SYBU: variants seen among roughly 807,000 people sequenced by gnomAD.
The protein encoded by SYBU is GOLSYN A protein.
A neutral mutation model predicts 35.9 loss-of-function variants in SYBU; 21 were observed. The observed-to-expected ratio is 0.58, with a 90% confidence interval of 0.41 to 0.84. SYBU has a LOEUF of 0.84. Among genes scored for constraint, SYBU ranks in the 40% least tolerant of loss-of-function variants. The probability of loss-of-function intolerance (pLI) is 0.00; values close to 1 mark genes in which losing one functional copy is unlikely to be tolerated. For missense variants in SYBU, 768 were observed against 848.2 expected, an observed-to-expected ratio of 0.91 and a Z score of 1.17; for synonymous variants, 319 against 324.3, an observed-to-expected ratio of 0.98 and a Z score of 0.18.
rs747248240 is a variant in SYBU, at chr8:109,586,095, C to G, written c.495G>C (p.Ser165=). The change falls in exon 4 of 7, where the codon TCG becomes TCC. Residue 165 remains serine (S), a synonymous_variant. Transcript: ENST00000276646. ...GSISAPEVHM[S]TAGSKRSSSS... ...AAGAAGACCGCTTGCTTCCCGCAGT[C>G]GACATATGGACCTCAGGAGCGGAAA... 1.2e-6 allele frequency: 2 copies of G among 1,611,932 alleles called. No individual in the cohort carries two copies. The highest frequency in any genetic ancestry group is 2.2e-5 in the South Asian group (2 of 90,262).
intron 2 of SYBU, among the ~76,000 whole-genome samples, chr8:109,622,923 T>C (rs1812591949): frequency 6.6e-6 from 1 of 152,162 alleles, no homozygotes; most frequent in African/African-American, 2.4e-5. Context: ...CATTTTAGTC[T>C]GGTTTTGCCA....
At position 109,574,769 on chromosome 8, in the gene SYBU, C is replaced by T; in HGVS notation, c.*137G>A. On this transcript the variant is annotated 3_prime_UTR_variant, in exon 7 of 7. Coordinates refer to ENST00000276646, the MANE Select transcript of SYBU (RefSeq NM_001099754.2). ...CCGGTTTTAAACAGTGAACAGGCTT[C>T]AACTAAATATAGTGCAAATCAAATA... 1.0e-6 allele frequency: 1 copy of T among 972,544 alleles called. No individual in the cohort carries two copies. Among genetic ancestry groups the T allele is most frequent in the Non-Finnish European group, 1.5e-6 (1 of 686,486 alleles). 60.2% of individuals were successfully genotyped at this position (972,544 alleles called of 1,614,324 possible).
chr8:109,636,074 G>A (rs938837271), intron 2 of SYBU, among the ~76,000 whole-genome samples: 1 of 152,150 alleles, frequency 6.6e-6, no homozygotes, highest in East Asian at 1.9e-4. Flanking sequence ...CCTAGTTCCT[G>A]TATGGACCCT....
intron 1 of SYBU, among the ~76,000 whole-genome samples, chr8:109,660,156 T>A (rs1816508093): frequency 1.3e-5 from 2 of 152,166 alleles, no homozygotes; most frequent in Non-Finnish European, 2.9e-5. Flanking sequence ...AGAACCATAG[T>A]TTTTGTTTAT....
intron 4 of SYBU, chr8:109,580,606 A>C (rs572492632): frequency 6.5e-6 from 1 of 153,406 alleles, no homozygotes; most frequent in Middle Eastern, 3.4e-3. Context: ...TTAACTGCTG[A>C]AATACTGTAA....
chr8:109,581,662 A>C (rs1473196772), intron 4 of SYBU, among the ~76,000 whole-genome samples: 2 of 152,212 alleles, frequency 1.3e-5, no homozygotes, highest in Admixed American at 1.3e-4. Flanking sequence ...CTTTCTTTGC[A>C]ATTTTAATTA....
chr8:109,631,497 C>G (rs1474543641), intron 2 of SYBU, among the ~76,000 whole-genome samples: 2 of 152,140 alleles, frequency 1.3e-5, no homozygotes, highest in Admixed American at 1.3e-4. Context: ...GATGCAGGGC[C>G]AGGTGAGGTA....
At chr8:109,687,336 G>A (rs1180873643) in intron 1 of SYBU, among the ~76,000 whole-genome samples, 1 of 152,122 alleles carries the variant, frequency 6.6e-6, no homozygotes, top group Admixed American at 6.6e-5. Flanking sequence ...AGAGAATAAA[G>A]CTCAGGTCAA....
rs184947174 is a variant in SYBU, at chr8:109,665,042, T to A, written c.-129+15669A>T. Among the ~76,000 whole-genome samples the A allele has an allele frequency of 1.3e-4, 20 of 152,310 alleles. No homozygotes were observed. In the East Asian group the frequency reaches 2.9e-3, roughly 22 times the overall value. ...TATTGGTTAATTAACACTTGAATGG[T>A]CTAGGCCAATGCTGTCCAACAGAAA... is the stretch of plus-strand genomic sequence containing the variant. On this transcript the variant is annotated intron_variant, in intron 1 of 5. Transcript: ENST00000408889.
chr8:109,636,943 C>T (rs114821551), intron 2 of SYBU, among the ~76,000 whole-genome samples: 40 of 152,292 alleles, frequency 2.6e-4, no homozygotes, highest in African/African-American at 9.1e-4. Flanking sequence ...TCCACATCCA[C>T]CTTGCCCCAT....
At chr8:109,637,781 G>A (rs1181751093) in intron 2 of SYBU, among the ~76,000 whole-genome samples, 2 of 152,136 alleles carry the variant, frequency 1.3e-5, no homozygotes, top group Admixed American at 6.5e-5. Context: ...CAAATTTTTG[G>A]AGGCGTTGTC....
chr8:109,603,153 C>T (rs887642225), intron 3 of SYBU, among the ~76,000 whole-genome samples: 72 of 152,148 alleles, frequency 4.7e-4, no homozygotes, highest in African/African-American at 7.2e-4. Flanking sequence ...CGAGCTGGGG[C>T]GGAAGCCGAC....
chr8:109,583,288 T>C (rs140028624), intron 4 of SYBU, among the ~76,000 whole-genome samples: 16 of 152,342 alleles, frequency 1.1e-4, no homozygotes, highest in South Asian at 4.1e-4. Flanking sequence ...AGACTGAGGC[T>C]TGGGGTCATA....
intron 3 of SYBU, 102 bp downstream of exon 3, chr8:109,618,740 G>A: frequency 9.5e-7 from 1 of 1,054,056 alleles, no homozygotes; most frequent in South Asian, 1.4e-5. Flanking sequence ...GCTGGGTACG[G>A]TATTTGTGAT....
At chr8:109,632,503 T>G in intron 2 of SYBU, among the ~76,000 whole-genome samples, 1 of 152,320 alleles carries the variant, frequency 6.6e-6, no homozygotes, top group East Asian at 1.9e-4. Flanking sequence ...ATGGTCAAGA[T>G]AGAGTAAGGG....
chr8:109,580,265 A>G, intron 4 of SYBU: 1 of 444,634 alleles, frequency 2.2e-6, no homozygotes, highest in Non-Finnish European at 4.2e-6. Context: ...ATAACACCCA[A>G]TAGCCTGCTA....
intron 6 of SYBU, 27 bp downstream of exon 6, chr8:109,577,841 C>A: frequency 6.3e-7 from 1 of 1,593,040 alleles, no homozygotes; most frequent in Non-Finnish European, 8.6e-7. Flanking sequence ...TGTCCTACAC[C>A]CCACCGTTCA....
chr8:109,596,246 G>A (rs1319852014), intron 3 of SYBU, among the ~76,000 whole-genome samples: 2 of 152,212 alleles, frequency 1.3e-5, no homozygotes, highest in East Asian at 3.8e-4. Flanking sequence ...TTTTTTAAAA[G>A]AGTCTCAGAT....
chr8:109,650,939 T>C (rs1405278275), intron 1 of SYBU, among the ~76,000 whole-genome samples: 1 of 152,250 alleles, frequency 6.6e-6, no homozygotes, highest in African/African-American at 2.4e-5. Flanking sequence ...TTCATGTATT[T>C]ACTTTCAGGC....
Sources: allele counts gnomAD v4.1 joint callset (sites outside exome capture counted in the v4.1 genomes callset), GRCh38; gene constraint gnomAD v4.1.1; transcripts MANE v1.5; gene names NCBI Gene and HGNC (gene_info 2026-07-23, HGNC 2026-07-21).